ADAMTS2: variants seen among roughly 807,000 people sequenced by gnomAD.
ADAMTS2 encodes the protein A disintegrin and metalloproteinase with thrombospondin motifs 2.
Under a neutral mutation model 123.0 loss-of-function variants are expected in ADAMTS2, and 50 were observed. The ratio of observed to expected loss-of-function variants is 0.41; its 90% CI spans 0.32 to 0.51. The LOEUF (loss-of-function observed/expected upper bound fraction) is 0.51, where lower values mean the gene tolerates loss of function less well. Ranked by LOEUF, ADAMTS2 falls within the 20% of genes least tolerant of loss-of-function variation. The pLI, the probability that ADAMTS2 is intolerant of heterozygous loss-of-function variation, is 0.35. For missense variants in ADAMTS2, 1,494 were observed against 1,705.2 expected (o/e 0.88, Z 2.18); for synonymous variants, 678 against 695.4 (o/e 0.98, Z 0.39).
At position 179,207,594 on chromosome 5, in the gene ADAMTS2, G is replaced by A. The variant is rs781714039; in HGVS notation, c.810C>T (p.Val270=). 1.2e-6 allele frequency: 2 copies of A among 1,613,844 alleles called. No homozygotes were observed. Among genetic ancestry groups the A allele is most frequent in the Non-Finnish European group, 1.7e-6 (2 of 1,180,034 alleles). ...HAADDDYNIE[V]LLGVDDSVVQ... is the part of the protein sequence containing the mutation. Reference sequence around the variant, plus strand: ...CCACAGAGTCATCCACGCCCAGCAGGACCTCGATGTTGTAGTCATCGTCCG... The same window carrying A: ...CCACAGAGTCATCCACGCCCAGCAGAACCTCGATGTTGTAGTCATCGTCCG... Residue 270 remains valine, a synonymous_variant, in exon 4 of 22, where the codon GTC becomes GTT. Coordinates refer to ENST00000251582, the MANE Select transcript of ADAMTS2 (RefSeq NM_014244.5).
At chr5:179,227,385 C>T (rs1198642760) in intron 3 of ADAMTS2, among the ~76,000 whole-genome samples, 3 of 152,276 alleles carry the variant, frequency 2.0e-5, no homozygotes, top group Non-Finnish European at 2.9e-5. Flanking sequence ...TGGCCTGCTC[C>T]CTGACGACTC....
chr5:179,272,031 C>G lies in ADAMTS2; in HGVS notation c.688+880G>C, dbSNP rs977872581. On this transcript the variant is annotated intron_variant, in intron 3 of 21. Coordinates refer to ENST00000251582, the MANE Select transcript of ADAMTS2 (RefSeq NM_014244.5). The surrounding 1 kb of genome is among the most constrained non-coding windows in gnomAD (Gnocchi z 5.8). ...CTGACCAGAGGCTGAGGGCTGAGCT[C>G]GCAGCTTCCCACTCTCCCAGCAAGA... 1.3e-5 allele frequency among the ~76,000 whole-genome samples: 2 copies of G among 152,208 alleles called. No homozygotes were observed. The highest frequency in any genetic ancestry group is 4.8e-5 in the African/African-American group (2 of 41,456).
chr5:179,327,591 T>A (rs1757348705), intron 2 of ADAMTS2, among the ~76,000 whole-genome samples: 1 of 152,070 alleles, frequency 6.6e-6, no homozygotes, highest in Non-Finnish European at 1.5e-5. Flanking sequence ...CATGGGCACA[T>A]CCTGCGTTCG....
chr5:179,255,347 A>T (rs1372373929), intron 3 of ADAMTS2, among the ~76,000 whole-genome samples: 1 of 152,184 alleles, frequency 6.6e-6, no homozygotes, highest in South Asian at 2.1e-4. Flanking sequence ...AGACCATAGC[A>T]GCGTCATTTG....
At position 179,170,826 on chromosome 5, in the gene ADAMTS2, G is replaced by C. The variant is rs1191364183; in HGVS notation, c.975+10246C>G. On this transcript the variant is annotated intron_variant, in intron 5 of 21. Coordinates refer to ENST00000251582, the MANE Select transcript of ADAMTS2 (RefSeq NM_014244.5). This position sits in a 1 kb window ranked among gnomAD's most constrained non-coding sequence, Gnocchi z 4.3. Reference sequence around the variant, plus strand: ...TGCACCTCCCTGGGATTAAACAGCAGCTGCTCGGGAAGCCAGAGGCTCTGG... The same window carrying C: ...TGCACCTCCCTGGGATTAAACAGCACCTGCTCGGGAAGCCAGAGGCTCTGG... 1.3e-5 allele frequency among the ~76,000 whole-genome samples: 2 copies of C among 152,174 alleles called. No homozygotes were observed. Among genetic ancestry groups the C allele is most frequent in the Non-Finnish European group, 2.9e-5 (2 of 68,034 alleles).
intron 2 of ADAMTS2, among the ~76,000 whole-genome samples, chr5:179,294,043 C>T (rs1382884916): frequency 6.6e-6 from 1 of 152,070 alleles, no homozygotes; most frequent in African/African-American, 2.4e-5. Context: ...GGCAGGAAGA[C>T]TGCTTGAGCC....
At chr5:179,316,767 T>A (rs1439005045) in intron 2 of ADAMTS2, among the ~76,000 whole-genome samples, 1 of 152,068 alleles carries the variant, frequency 6.6e-6, no homozygotes, top group African/African-American at 2.4e-5. Flanking sequence ...TGAGACCCCA[T>A]CTCTACAAAA....
rs930118305 is a variant in ADAMTS2 at position 179,180,392 on chromosome 5, G to C, written c.975+680C>G. Among the ~76,000 whole-genome samples the C allele has an allele frequency of 1.8e-4, 28 of 152,206 alleles. No individual in the cohort carries two copies. Among genetic ancestry groups the C allele is most frequent in the Admixed American group, 5.9e-4 (9 of 15,286 alleles). On this transcript the variant is annotated intron_variant, in intron 5 of 21. Coordinates refer to ENST00000251582, the MANE Select transcript of ADAMTS2 (RefSeq NM_014244.5). The surrounding 1 kb of genome is among the most constrained non-coding windows in gnomAD (Gnocchi z 4.6). ...GAGAGGAGGCCACAGATTTAATACG[G>C]GGGCAGAAGTCCAAGGGAGGGTCGT...
At chr5:179,122,041 G>A (rs1474630132) in intron 20 of ADAMTS2, among the ~76,000 whole-genome samples, 1 of 152,080 alleles carries the variant, frequency 6.6e-6, no homozygotes, top group African/African-American at 2.4e-5. Context: ...CACCCTGCCC[G>A]CGCCCCGGGT....
chr5:179,254,676 G>A (rs578126446), intron 3 of ADAMTS2, among the ~76,000 whole-genome samples: 34 of 152,262 alleles, frequency 2.2e-4, no homozygotes, highest in Admixed American at 5.2e-4. Flanking sequence ...CCCTCTCACT[G>A]TCCCTGAAGC....
At chr5:179,201,631 C>CAAAAAAAA (rs58141791) in intron 4 of ADAMTS2, among the ~76,000 whole-genome samples, 8 of 91,914 alleles carry the variant, frequency 8.7e-5, no homozygotes, top group Admixed American at 2.6e-4. Context: ...ACTAAAAATA[C>CAAAAAAAA]AAAAAAAAAA....
At chr5:179,223,620 GCA>G (rs930344254) in intron 3 of ADAMTS2, among the ~76,000 whole-genome samples, 3 of 138,404 alleles carry the variant, frequency 2.2e-5, no homozygotes, top group East Asian at 2.5e-4. Context: ...ATACTCACAT[GCA>G]CACTCACATG....
chr5:179,304,951 G>A (rs1756630987), intron 2 of ADAMTS2, among the ~76,000 whole-genome samples: 1 of 149,908 alleles, frequency 6.7e-6, no homozygotes, highest in Non-Finnish European at 1.5e-5. Context: ...AGCAGTCAGA[G>A]AAAAACAGTG....
intron 5 of ADAMTS2, among the ~76,000 whole-genome samples, chr5:179,172,237 C>A (rs1023283523): frequency 6.6e-6 from 1 of 152,194 alleles, no homozygotes; most frequent in Non-Finnish European, 1.5e-5. Context: ...ATCTCAGCAC[C>A]CCCAGGGCCT....
At chr5:179,206,349 T>C (rs953007777) in intron 4 of ADAMTS2, among the ~76,000 whole-genome samples, 1 of 152,142 alleles carries the variant, frequency 6.6e-6, no homozygotes, top group African/African-American at 2.4e-5. Context: ...GCTTGGCTCC[T>C]GGAGGGGCTC....
At chr5:179,276,144 C>A (rs1034340143) in intron 2 of ADAMTS2, among the ~76,000 whole-genome samples, 4 of 152,140 alleles carry the variant, frequency 2.6e-5, no homozygotes, top group African/African-American at 9.7e-5. Flanking sequence ...TCAGCAGATG[C>A]CTGTGGAATG....
intron 3 of ADAMTS2, among the ~76,000 whole-genome samples, chr5:179,232,492 A>G (rs1314272957): frequency 1.3e-5 from 2 of 152,230 alleles, no homozygotes; most frequent in African/African-American, 4.8e-5. Context: ...CCAGGATATG[A>G]ACCCTGGCAT....
At chr5:179,138,577 C>T (rs746001401) in intron 11 of ADAMTS2, among the ~76,000 whole-genome samples, 4 of 152,260 alleles carry the variant, frequency 2.6e-5, no homozygotes, top group African/African-American at 9.6e-5. Context: ...AAATGCCCAG[C>T]AATCTCTTTC....
chr5:179,220,138 C>G (rs1765094503), intron 3 of ADAMTS2, among the ~76,000 whole-genome samples: 1 of 152,238 alleles, frequency 6.6e-6, no homozygotes, highest in Non-Finnish European at 1.5e-5. Context: ...CACGCGGCAG[C>G]CAAGTGGTGG....
Sources: allele counts gnomAD v4.1 joint callset (sites outside exome capture counted in the v4.1 genomes callset), GRCh38; gene constraint gnomAD v4.1.1; non-coding constraint Gnocchi (gnomAD v3.1); transcripts MANE v1.5; gene names NCBI Gene and HGNC (gene_info 2026-07-23, HGNC 2026-07-21).